CNTN4: variants seen among roughly 807,000 people sequenced by gnomAD.
CNTN4 encodes the protein contactin 4, also known as contactin-4.
Under a neutral mutation model 122.5 loss-of-function variants are expected in CNTN4, and 77 were observed. The observed-to-expected ratio is 0.63, with a 90% CI of 0.52 to 0.76. The LOEUF is 0.76. Ranked by LOEUF, CNTN4 falls within the 30% of genes least tolerant of loss-of-function variation. CNTN4 has a pLI of 0.00. For synonymous variants in CNTN4, 512 were observed against 447.0 expected (o/e 1.15, Z -1.83); for missense variants, 1,256 against 1,259.1 (o/e 1.00, Z 0.04).
At chr3:3,020,059 A>T (rs957898165) in intron 14 of CNTN4, among the ~76,000 whole-genome samples, 5 of 152,154 alleles carry the variant, frequency 3.3e-5, no homozygotes, top group African/African-American at 1.2e-4. Context: ...CAGTGCTTGC[A>T]TGGTGAGTGC....
chr3:2,633,336 A>G (rs1259940292), intron 4 of CNTN4, among the ~76,000 whole-genome samples: 1 of 152,194 alleles, frequency 6.6e-6, no homozygotes, highest in East Asian at 1.9e-4. Context: ...AGGAACAGAT[A>G]AACTCCTAAA....
At chr3:2,620,500 C>A (rs2081951530) in intron 4 of CNTN4, among the ~76,000 whole-genome samples, 1 of 150,844 alleles carries the variant, frequency 6.6e-6, no homozygotes, top group Non-Finnish European at 1.5e-5. Context: ...ACCCTGTATC[C>A]AAAAATATAT....
chr3:2,141,502 C>T (rs1453231396), intron 2 of CNTN4, among the ~76,000 whole-genome samples: 2 of 152,092 alleles, frequency 1.3e-5, no homozygotes. Context: ...AATTGTAGCC[C>T]AGTGAGACCC....
intron 4 of CNTN4, among the ~76,000 whole-genome samples, chr3:2,722,798 G>T (rs1212404600): frequency 6.6e-6 from 1 of 152,122 alleles, no homozygotes; most frequent in African/African-American, 2.4e-5. Context: ...CAAATTTTAT[G>T]CTTGTCATTT....
At chr3:2,281,202 C>A (rs1244507021) in intron 2 of CNTN4, among the ~76,000 whole-genome samples, 3 of 152,164 alleles carry the variant, frequency 2.0e-5, no homozygotes, top group Non-Finnish European at 4.4e-5. Flanking sequence ...CTCCTACTCT[C>A]TTAACATGGA....
At chr3:2,836,237 T>G (rs2093223371) in intron 7 of CNTN4, among the ~76,000 whole-genome samples, 1 of 152,190 alleles carries the variant, frequency 6.6e-6, no homozygotes, top group Admixed American at 6.5e-5. Context: ...CTCTCCAAGT[T>G]CTCTGGTCTA....
chr3:2,923,946 G>C (rs1404963644), intron 12 of CNTN4, among the ~76,000 whole-genome samples: 2 of 152,058 alleles, frequency 1.3e-5, no homozygotes, highest in Middle Eastern at 3.4e-3. Flanking sequence ...TCTCATTAAA[G>C]CAAAAACATC....
intron 15 of CNTN4, among the ~76,000 whole-genome samples, chr3:3,029,206 T>C (rs1698970949): frequency 1.3e-5 from 2 of 152,224 alleles, no homozygotes; most frequent in Non-Finnish European, 2.9e-5. Context: ...TAAAATACCA[T>C]AGCTTTTCCT....
At chr3:2,908,541 T>C (rs1005336247) in intron 12 of CNTN4, among the ~76,000 whole-genome samples, 13 of 152,174 alleles carry the variant, frequency 8.5e-5, no homozygotes, top group African/African-American at 3.1e-4. Flanking sequence ...AGCCTAAGTC[T>C]AATCCAGAAG....
At chr3:2,890,999 AT>A (rs79380829) in intron 10 of CNTN4, among the ~76,000 whole-genome samples, 1 of 151,554 alleles carries the variant, frequency 6.6e-6, no homozygotes, top group Admixed American at 6.6e-5. Flanking sequence ...TGTTTAACAA[AT>A]TTTTTTTTAT....
At chr3:2,635,471 A>G (rs190160758) in intron 4 of CNTN4, among the ~76,000 whole-genome samples, 37 of 152,320 alleles carry the variant, frequency 2.4e-4, no homozygotes, top group South Asian at 1.7e-3. Flanking sequence ...CTACATAAAC[A>G]TTCATGCATC....
intron 23 of CNTN4, among the ~76,000 whole-genome samples, chr3:3,049,105 CAG>C (rs1276299181): frequency 2.0e-5 from 3 of 152,174 alleles, no homozygotes; most frequent in Non-Finnish European, 4.4e-5. Context: ...TATTTTGAGA[CAG>C]AGTCTCCCTC....
At chr3:2,655,476 C>T (rs148496603) in intron 4 of CNTN4, among the ~76,000 whole-genome samples, 161 of 152,192 alleles carry the variant, frequency 1.1e-3, no homozygotes, top group African/African-American at 3.7e-3. Context: ...GTCTTGATTT[C>T]GGTTTACTGT....
At chr3:2,274,574 C>T (rs2041428077) in intron 2 of CNTN4, among the ~76,000 whole-genome samples, 2 of 151,884 alleles carry the variant, frequency 1.3e-5, no homozygotes, top group African/African-American at 4.8e-5. Flanking sequence ...CAAATGCTAA[C>T]AACCAATGAA....
chr3:2,848,717 A>G (rs2093497102), intron 7 of CNTN4, among the ~76,000 whole-genome samples: 2 of 152,302 alleles, frequency 1.3e-5, no homozygotes, highest in South Asian at 4.1e-4. Context: ...ACTCAGCGGG[A>G]AGGAGAAAAT....
At chr3:2,460,016 A>T (rs1220441788) in intron 3 of CNTN4, among the ~76,000 whole-genome samples, 3 of 152,020 alleles carry the variant, frequency 2.0e-5, no homozygotes. Context: ...GCTGGGTCAG[A>T]GTTGTTACAT....
intron 7 of CNTN4, among the ~76,000 whole-genome samples, chr3:2,847,585 C>T (rs547166683): frequency 1.3e-5 from 2 of 152,308 alleles, no homozygotes; most frequent in East Asian, 3.9e-4. Flanking sequence ...TGCAGGCACA[C>T]GTCCTTCTTT....
At chr3:2,904,822 G>T (rs574115136) in intron 12 of CNTN4, among the ~76,000 whole-genome samples, 27 of 152,270 alleles carry the variant, frequency 1.8e-4, no homozygotes, top group African/African-American at 5.8e-4. Context: ...CTAATGAAAT[G>T]AATCATAGTG....
chr3:2,248,942 TCGTACCCTCCAAA>T (rs1437589734), intron 2 of CNTN4, among the ~76,000 whole-genome samples: 1 of 151,892 alleles, frequency 6.6e-6, no homozygotes, highest in African/African-American at 2.4e-5. Flanking sequence ...AGGTATTCCC[TCGTACCCTCCAAA>T]CGCATAAGGA....
Sources: gnomAD v4.1 joint callset for allele counts (sites outside exome capture counted in the v4.1 genomes callset) on GRCh38, gnomAD v4.1.1 for gene constraint, MANE v1.5 for transcripts, NCBI Gene and HGNC (gene_info 2026-07-23, HGNC 2026-07-21) for gene names.